Variants in ADGRL3 observed in about 807,000 individuals in gnomAD.
ADGRL3 encodes calcium-independent alpha-latrotoxin receptor 3.
ADGRL3 carries 62 observed loss-of-function variants against 153.5 expected under a neutral mutation model. The ratio of observed to expected loss-of-function variants is 0.40; its 90% CI spans 0.33 to 0.50. ADGRL3 has a LOEUF of 0.50. Ranked by LOEUF, ADGRL3 falls within the 20% of genes least tolerant of loss-of-function variation. The pLI is 0.47. For synonymous variants in ADGRL3, 710 were observed against 672.5 expected, an observed-to-expected ratio of 1.06 and a Z score of -0.86; for missense variants, 1,641 against 1,859.4, an observed-to-expected ratio of 0.88 and a Z score of 2.16.
intron 5 of ADGRL3, among the ~76,000 whole-genome samples, chr4:61,663,589 A>G (rs1214455925): frequency 6.6e-6 from 1 of 152,172 alleles, no homozygotes; most frequent in Non-Finnish European, 1.5e-5. Context: ...AGCTGAGTGC[A>G]GCCTGCCAGG....
intron 13 of ADGRL3, chr4:61,933,979 G>A (rs1398207881): frequency 3.3e-5 from 5 of 152,082 alleles, no homozygotes; most frequent in Non-Finnish European, 7.4e-5. Context: ...TTTCTGTTTT[G>A]CAATTCTCTA....
intron 2 of ADGRL3, among the ~76,000 whole-genome samples, chr4:61,414,279 T>C (rs1056828886): frequency 6.6e-6 from 1 of 152,200 alleles, no homozygotes; most frequent in Non-Finnish European, 1.5e-5. Flanking sequence ...TTAAAATATG[T>C]AAAGTTTCAT....
chr4:61,532,894 A>G lies in ADGRL3; in HGVS notation c.259+15376A>G, dbSNP rs189803295. On this transcript the variant is annotated intron_variant, in intron 4 of 26. Coordinates refer to ENST00000683033, the MANE Select transcript of ADGRL3 (RefSeq NM_001387552.1). The stretch of plus-strand genomic sequence containing the variant: ...CCAAAGAGAAAGTGGGATTAGAGAA[A>G]CTGTAGTGAAGTATGAAATGAAAGC... Among the ~76,000 whole-genome samples, 242 of 152,200 alleles carry G rather than the reference A, an allele frequency of 1.6e-3. 1 individual carries two copies. The highest frequency in any genetic ancestry group is 5.5e-3 in the African/African-American group (229 of 41,546).
chr4:61,213,777 A>C (rs141754668), intron 1 of ADGRL3, among the ~76,000 whole-genome samples: 1 of 152,104 alleles, frequency 6.6e-6, no homozygotes, highest in African/African-American at 2.4e-5. Context: ...TTACTTATTC[A>C]TGTGGGTTGT....
intron 4 of ADGRL3, among the ~76,000 whole-genome samples, chr4:61,525,965 T>C (rs977805672): frequency 6.6e-6 from 1 of 152,040 alleles, no homozygotes; most frequent in African/African-American, 2.4e-5. Flanking sequence ...CTGACAGAGC[T>C]GATAAAGAGA....
intron 8 of ADGRL3, among the ~76,000 whole-genome samples, chr4:61,759,634 G>C (rs565760662): frequency 1.3e-5 from 2 of 150,502 alleles, no homozygotes; most frequent in Admixed American, 6.6e-5. Context: ...CTTTAGCTCA[G>C]AGTAGTTTGA....
chr4:61,402,583 A>G (rs1310240831), intron 2 of ADGRL3, among the ~76,000 whole-genome samples: 2 of 152,118 alleles, frequency 1.3e-5, no homozygotes, highest in Non-Finnish European at 2.9e-5. Flanking sequence ...ATAGTGTGGA[A>G]TAATACACCA....
At chr4:61,955,429 C>T (rs2098962442) in intron 17 of ADGRL3, among the ~76,000 whole-genome samples, 1 of 151,892 alleles carries the variant, frequency 6.6e-6, no homozygotes, top group Admixed American at 6.6e-5. Context: ...TGTAGCTATC[C>T]CATATCAAAG....
chr4:61,400,821 A>G (rs1249547925), intron 2 of ADGRL3, among the ~76,000 whole-genome samples: 1 of 150,564 alleles, frequency 6.6e-6, no homozygotes, highest in Non-Finnish European at 1.5e-5. Flanking sequence ...AAGTTACAAA[A>G]AAAAAAAAAA....
intron 6 of ADGRL3, among the ~76,000 whole-genome samples, chr4:61,726,793 G>A (rs978336844): frequency 1.3e-5 from 2 of 152,016 alleles, no homozygotes; most frequent in East Asian, 3.8e-4. Flanking sequence ...ACCATGTTAT[G>A]TCCCCTATAA....
intron 4 of ADGRL3, among the ~76,000 whole-genome samples, chr4:61,525,618 T>C (rs2098554486): frequency 6.6e-6 from 1 of 152,106 alleles, no homozygotes; most frequent in African/African-American, 2.4e-5. Flanking sequence ...GTTAGGTTAT[T>C]GCCATAGGGC....
At chr4:61,693,645 T>C (rs562012529) in intron 6 of ADGRL3, among the ~76,000 whole-genome samples, 1 of 152,344 alleles carries the variant, frequency 6.6e-6, no homozygotes, top group Admixed American at 6.5e-5. Flanking sequence ...TGATGTTTTG[T>C]GATACTTTGG....
chr4:61,768,537 A>G (rs2097034067), intron 8 of ADGRL3, among the ~76,000 whole-genome samples: 1 of 152,196 alleles, frequency 6.6e-6, no homozygotes, highest in Admixed American at 6.5e-5. Context: ...TGCCCATTTT[A>G]CGACAAGAAT....
intron 2 of ADGRL3, among the ~76,000 whole-genome samples, chr4:61,479,437 TA>T: frequency 6.6e-6 from 1 of 152,236 alleles, no homozygotes; most frequent in South Asian, 2.1e-4. Context: ...AGTTGGGATG[TA>T]AAGCCTTCCT....
At chr4:61,957,454 A>T (rs1251883242) in intron 17 of ADGRL3, among the ~76,000 whole-genome samples, 1 of 151,986 alleles carries the variant, frequency 6.6e-6, no homozygotes, top group African/African-American at 2.4e-5. Flanking sequence ...ATAGTCCATA[A>T]ATAAGCATAG....
At chr4:61,907,963 T>C (rs952182584) in intron 11 of ADGRL3, among the ~76,000 whole-genome samples, 1 of 152,144 alleles carries the variant, frequency 6.6e-6, no homozygotes, top group African/African-American at 2.4e-5. Context: ...TTACTGTGGT[T>C]GGAAGGCCTC....
chr4:62,007,395 C>CACATAT (rs369431931), intron 21 of ADGRL3, among the ~76,000 whole-genome samples: 23 of 76,448 alleles, frequency 3.0e-4, no homozygotes, highest in African/African-American at 7.4e-4. Flanking sequence ...CACACACACA[C>CACATAT]ATATATATAT....
At chr4:61,247,700 A>C (rs1757625089) in intron 1 of ADGRL3, among the ~76,000 whole-genome samples, 1 of 152,054 alleles carries the variant, frequency 6.6e-6, no homozygotes, top group Non-Finnish European at 1.5e-5. Flanking sequence ...CATATTTTAC[A>C]TTAAAATATA....
At chr4:61,874,443 C>T (rs2098462403) in intron 9 of ADGRL3, among the ~76,000 whole-genome samples, 1 of 152,130 alleles carries the variant, frequency 6.6e-6, no homozygotes, top group African/African-American at 2.4e-5. Context: ...CATCCCACCA[C>T]CTTAGCCTTA....
Sources: allele counts gnomAD v4.1 joint callset (sites outside exome capture counted in the v4.1 genomes callset), GRCh38; gene constraint gnomAD v4.1.1; transcripts MANE v1.5; gene names NCBI Gene and HGNC (gene_info 2026-07-23, HGNC 2026-07-21).